Variants in AUTS2 observed in about 807,000 individuals in gnomAD.
AUTS2 encodes the protein autism susceptibility gene 2 protein.
In AUTS2, 17 loss-of-function variants were observed where a neutral mutation model predicts 112.4. The observed-to-expected ratio is 0.15, with a 90% confidence interval of 0.10 to 0.23. The LOEUF (loss-of-function observed/expected upper bound fraction) is 0.23, where lower values mean the gene tolerates loss of function less well. Ranked by LOEUF, AUTS2 falls within the 10% of genes least tolerant of loss-of-function variation. AUTS2 has a pLI of 1.00. For synonymous variants in AUTS2, 751 were observed against 702.7 expected (o/e 1.07, Z -1.09); for missense variants, 1,510 against 1,701.6 (o/e 0.89, Z 1.98).
chr7:70,609,587 T>G (rs937692047), intron 5 of AUTS2, among the ~76,000 whole-genome samples: 17 of 144,054 alleles, frequency 1.2e-4, no homozygotes, highest in Non-Finnish European at 1.3e-4. Flanking sequence ...TTTGTTTTTT[T>G]TTTTTGTTGT....
At chr7:69,707,376 A>G (rs1448619234) in intron 1 of AUTS2, among the ~76,000 whole-genome samples, 2 of 152,220 alleles carry the variant, frequency 1.3e-5, no homozygotes, top group Non-Finnish European at 2.9e-5. Flanking sequence ...TTATATAGCA[A>G]GTACCTAGCT....
At chr7:69,706,465 T>G (rs1351928519) in intron 1 of AUTS2, among the ~76,000 whole-genome samples, 1 of 152,184 alleles carries the variant, frequency 6.6e-6, no homozygotes, top group Non-Finnish European at 1.5e-5. Flanking sequence ...AGAGACTTGC[T>G]GAGCACACCT....
intron 5 of AUTS2, among the ~76,000 whole-genome samples, chr7:70,450,720 G>A (rs1367488203): frequency 6.6e-6 from 1 of 152,162 alleles, no homozygotes; most frequent in Non-Finnish European, 1.5e-5. Context: ...TGGCATGAAG[G>A]ATGGAGTGAA....
chr7:70,175,852 A>G (rs1230484336), intron 4 of AUTS2, among the ~76,000 whole-genome samples: 1 of 152,202 alleles, frequency 6.6e-6, no homozygotes, highest in Non-Finnish European at 1.5e-5. Flanking sequence ...TAATGCTATC[A>G]ATTATGTTAA....
At chr7:70,067,188 A>T (rs539725678) in intron 2 of AUTS2, among the ~76,000 whole-genome samples, 22 of 152,240 alleles carry the variant, frequency 1.4e-4, no homozygotes, top group Non-Finnish European at 2.8e-4. Flanking sequence ...CATCATTAAA[A>T]CAATAATTCC....
intron 6 of AUTS2, among the ~76,000 whole-genome samples, chr7:70,731,916 G>T (rs1787426299): frequency 6.6e-6 from 1 of 152,012 alleles, no homozygotes; most frequent in South Asian, 2.1e-4. Context: ...AGGAATAAGG[G>T]TAATGTCTTT....
chr7:70,692,987 G>A (rs1314373485), intron 5 of AUTS2, among the ~76,000 whole-genome samples: 1 of 152,136 alleles, frequency 6.6e-6, no homozygotes, highest in Non-Finnish European at 1.5e-5. Context: ...TAGAACTGAA[G>A]TTTTCCTCTC....
chr7:70,684,835 C>T (rs1034387754), intron 5 of AUTS2, among the ~76,000 whole-genome samples: 3 of 152,128 alleles, frequency 2.0e-5, no homozygotes, highest in African/African-American at 7.2e-5. Context: ...AGAAACTCTC[C>T]GTTACTCTCT....
intron 4 of AUTS2, among the ~76,000 whole-genome samples, chr7:70,197,282 CA>C (rs1810227643): frequency 1.3e-5 from 2 of 152,146 alleles, no homozygotes; most frequent in East Asian, 1.9e-4. Context: ...CACACACACA[CA>C]CACCCATTTT....
intron 2 of AUTS2, among the ~76,000 whole-genome samples, chr7:70,010,057 T>A (rs1251906644): frequency 1.3e-5 from 2 of 152,236 alleles, no homozygotes; most frequent in African/African-American, 2.4e-5. Flanking sequence ...CTGTCTTCCC[T>A]GTCCCAAGTT....
intron 1 of AUTS2, among the ~76,000 whole-genome samples, chr7:69,834,572 A>G (rs1008117466): frequency 3.3e-5 from 5 of 152,214 alleles, no homozygotes; most frequent in African/African-American, 1.2e-4. Context: ...CTGATAAACT[A>G]CCTGCTCTGG....
At chr7:70,337,033 CA>C (rs1791021827) in intron 4 of AUTS2, among the ~76,000 whole-genome samples, 1 of 152,192 alleles carries the variant, frequency 6.6e-6, no homozygotes, top group Non-Finnish European at 1.5e-5. Flanking sequence ...ACTTAAAACT[CA>C]GCAGACACGT....
intron 4 of AUTS2, among the ~76,000 whole-genome samples, chr7:70,368,698 G>A (rs1438618969): frequency 6.6e-6 from 1 of 152,190 alleles, no homozygotes; most frequent in Non-Finnish European, 1.5e-5. Context: ...TCTGACCTCA[G>A]GAGGCCAAGA....
intron 2 of AUTS2, among the ~76,000 whole-genome samples, chr7:69,999,214 G>A (rs1799078495): frequency 6.6e-6 from 1 of 152,054 alleles, no homozygotes; most frequent in African/African-American, 2.4e-5. Context: ...AATTTTCAGG[G>A]TCCTATAATT....
chr7:69,975,832 C>T (rs1339771947), intron 2 of AUTS2, among the ~76,000 whole-genome samples: 3 of 151,866 alleles, frequency 2.0e-5, no homozygotes, highest in East Asian at 1.9e-4. Flanking sequence ...GGATTACATG[C>T]GTGCGCTACC....
rs569443072 is a variant in AUTS2 at position 70,331,764 on chromosome 7, C to A, written c.661-103988C>A. 2.6e-5 allele frequency among the ~76,000 whole-genome samples: 4 copies of A among 152,210 alleles called. No individual in the cohort carries two copies. The East Asian group carries it at 7.7e-4, about 29-fold the overall frequency. ...TGCAGAAAAGGCCTTCGATAAAATT[C>A]GACACCCCTTCATGCTGAAAACTCT... is the stretch of plus-strand genomic sequence containing the variant. On this transcript the variant is annotated intron_variant, in intron 4 of 18. Coordinates refer to ENST00000342771, the MANE Select transcript of AUTS2 (RefSeq NM_015570.4).
intron 5 of AUTS2, among the ~76,000 whole-genome samples, chr7:70,540,353 C>A (rs748303261): frequency 5.9e-5 from 9 of 152,138 alleles, no homozygotes; most frequent in Non-Finnish European, 8.8e-5. Context: ...CTGGGCAATG[C>A]CTTGTAATGG....
chr7:69,904,886 T>C (rs80130561), intron 2 of AUTS2, among the ~76,000 whole-genome samples: 3,152 of 152,284 alleles, frequency 0.021, 107 homozygotes, highest in African/African-American at 0.069. Flanking sequence ...TTTGGAATAT[T>C]GATTGACTTG....
chr7:69,783,271 T>C (rs1203262835), intron 1 of AUTS2, among the ~76,000 whole-genome samples: 1 of 152,034 alleles, frequency 6.6e-6, no homozygotes, highest in Non-Finnish European at 1.5e-5. Context: ...GAGGGAGGAA[T>C]GATTTTACAC....
Sources: allele counts gnomAD v4.1 joint callset (sites outside exome capture counted in the v4.1 genomes callset), GRCh38; gene constraint gnomAD v4.1.1; transcripts MANE v1.5; gene names NCBI Gene and HGNC (gene_info 2026-07-23, HGNC 2026-07-21).